RGS9: variants seen among roughly 807,000 people sequenced by gnomAD.
The protein encoded by RGS9 is regulator of G-protein signalling 9.
In RGS9, 78 loss-of-function variants were observed where a neutral mutation model predicts 102.0. That is an observed-to-expected ratio of 0.76 (90% CI 0.64 to 0.92). The LOEUF (loss-of-function observed/expected upper bound fraction) is 0.92. Ranked by LOEUF, RGS9 falls within the 40% of genes least tolerant of loss-of-function variation. The pLI is 0.00. For synonymous variants in RGS9, 353 were observed against 318.6 expected (o/e 1.11, Z -1.15); for missense variants, 833 against 866.1 (o/e 0.96, Z 0.48).
intron 2 of RGS9, among the ~76,000 whole-genome samples, chr17:65,154,646 G>T (rs1011470099): frequency 5.3e-5 from 8 of 152,216 alleles, no homozygotes; most frequent in African/African-American, 1.7e-4. Context: ...CTCTCTGTGT[G>T]TGGGGGTGAG....
chr17:65,209,386 T>C (rs77195840), intron 16 of RGS9, among the ~76,000 whole-genome samples: 1,708 of 152,296 alleles, frequency 0.011, 30 homozygotes, highest in African/African-American at 0.04. Flanking sequence ...AAGATAGATA[T>C]AAGAGTTCAA....
At chr17:65,219,360 C>A (rs375049701) in intron 17 of RGS9, among the ~76,000 whole-genome samples, 1 of 152,218 alleles carries the variant, frequency 6.6e-6, no homozygotes, top group African/African-American at 2.4e-5. Flanking sequence ...ATTGTTCCAG[C>A]AGGTGGCAGC....
intron 17 of RGS9, among the ~76,000 whole-genome samples, chr17:65,223,812 G>A (rs1905478471): frequency 6.7e-6 from 1 of 150,006 alleles, no homozygotes; most frequent in African/African-American, 2.5e-5. Flanking sequence ...GTGCAGTGAC[G>A]CGATCTCGGC....
chr17:65,144,166 C>G (rs1910266026), intron 1 of RGS9, among the ~76,000 whole-genome samples: 1 of 152,118 alleles, frequency 6.6e-6, no homozygotes, highest in Non-Finnish European at 1.5e-5. Context: ...GGCTTATTAG[C>G]AGGAGTACAT....
At chr17:65,218,642 T>G (rs1308252826) in intron 17 of RGS9, among the ~76,000 whole-genome samples, 1 of 152,224 alleles carries the variant, frequency 6.6e-6, no homozygotes, top group Non-Finnish European at 1.5e-5. Context: ...CAGAAATAGC[T>G]CTCTCTCTCT....
At chr17:65,222,194 T>A (rs1222987716) in intron 17 of RGS9, among the ~76,000 whole-genome samples, 1 of 152,232 alleles carries the variant, frequency 6.6e-6, no homozygotes, top group African/African-American at 2.4e-5. Context: ...TTCCTTGAGA[T>A]GTGCCCCCTC....
chr17:65,140,648 G>C (rs896154120), intron 1 of RGS9, among the ~76,000 whole-genome samples: 1 of 152,210 alleles, frequency 6.6e-6, no homozygotes, highest in Non-Finnish European at 1.5e-5. Flanking sequence ...GCCAAGGTAG[G>C]TGGATCATCT....
chr17:65,215,092 A>T (rs1016792469), intron 17 of RGS9, among the ~76,000 whole-genome samples: 1 of 152,162 alleles, frequency 6.6e-6, no homozygotes, highest in African/African-American at 2.4e-5. Context: ...CGTATGCTGG[A>T]TGTCTGAAGA....
At chr17:65,175,340 A>G (rs1017783184) in intron 8 of RGS9, among the ~76,000 whole-genome samples, 4 of 151,972 alleles carry the variant, frequency 2.6e-5, no homozygotes, top group African/African-American at 9.7e-5. Context: ...GCCTTCAGTT[A>G]TGCAGGGGGA....
At chr17:65,211,044 C>T (rs534954841) in intron 17 of RGS9, among the ~76,000 whole-genome samples, 2 of 152,234 alleles carry the variant, frequency 1.3e-5, no homozygotes, top group Non-Finnish European at 2.9e-5. Flanking sequence ...TGAGAGAGAG[C>T]TTTGTCTACC....
intron 13 of RGS9, among the ~76,000 whole-genome samples, chr17:65,200,080 G>A (rs1314779407): frequency 6.6e-6 from 1 of 152,146 alleles, no homozygotes; most frequent in African/African-American, 2.4e-5. Flanking sequence ...CGCCCAGGCT[G>A]GAGTGCAATG....
chr17:65,225,115 C>T lies in RGS9; in HGVS notation c.1521C>T (p.Phe507=), dbSNP rs538728807. ...CCTGCCGCTCCCCCAGGAAGCCTTT[C>T]GCCTCACCCAGCCGCTTCATCCGGC... The part of the protein sequence containing the change: ...SSSCRSPRKP[F]ASPSRFIRRP... The change falls in exon 18 of 19, where the codon TTC becomes TTT. Residue 507 remains phenylalanine (F), a synonymous_variant. Coordinates refer to ENST00000262406, the MANE Select transcript of RGS9 (RefSeq NM_003835.4). 1.1e-5 allele frequency: 18 copies of T among 1,613,784 alleles called. No homozygotes were observed. Among genetic ancestry groups the T allele is most frequent in the East Asian group, 2.2e-5 (1 of 44,900 alleles).
At chr17:65,145,561 TTTTA>T (rs1910324448) in intron 1 of RGS9, among the ~76,000 whole-genome samples, 3 of 126,220 alleles carry the variant, frequency 2.4e-5, no homozygotes, top group African/African-American at 1.2e-4. Context: ...TTTTTTTTTT[TTTTA>T]ATATATTTTT....
chr17:65,142,772 G>A (rs892450800), intron 1 of RGS9, among the ~76,000 whole-genome samples: 2 of 151,694 alleles, frequency 1.3e-5, no homozygotes, highest in Non-Finnish European at 2.9e-5. Context: ...TAGTAGAGAC[G>A]GGGTTTCACC....
intron 9 of RGS9, among the ~76,000 whole-genome samples, chr17:65,183,477 A>G (rs986559364): frequency 5.9e-5 from 9 of 152,046 alleles, no homozygotes; most frequent in South Asian, 2.1e-4. Context: ...TTGTATTTTT[A>G]GTAGAGACGG....
At chr17:65,140,484 G>C (rs1910115418) in intron 1 of RGS9, among the ~76,000 whole-genome samples, 1 of 152,210 alleles carries the variant, frequency 6.6e-6, no homozygotes, top group African/African-American at 2.4e-5. Flanking sequence ...GGGTGCCTAT[G>C]GGCCTTCAAG....
chr17:65,177,896 G>A (rs148700731), intron 9 of RGS9, 93 bp downstream of exon 9: 19 of 964,592 alleles, frequency 2.0e-5, no homozygotes, highest in Admixed American at 8.7e-5. Flanking sequence ...TTAGGGCAAC[G>A]ATATCTCCTC....
intron 12 of RGS9, 56 bp downstream of exon 12, chr17:65,193,712 C>T (rs772728370): frequency 7.7e-6 from 8 of 1,040,664 alleles, no homozygotes; most frequent in Non-Finnish European, 1.2e-5. Context: ...TTACAATTCA[C>T]ATGCCATAAA....
chr17:65,224,870 C>T (rs1434383126), intron 17 of RGS9, 132 bp from the exon 18 acceptor site: 1 of 1,256,980 alleles, frequency 8.0e-7, no homozygotes, highest in East Asian at 2.3e-5. Flanking sequence ...TCCCAGCTCC[C>T]TAGGAGGCAG....
Sources: gnomAD v4.1 joint callset for allele counts (sites outside exome capture counted in the v4.1 genomes callset) on GRCh38, gnomAD v4.1.1 for gene constraint, MANE v1.5 for transcripts, NCBI Gene and HGNC (gene_info 2026-07-23, HGNC 2026-07-21) for gene names.